Variants in ATP8B4 observed in about 807,000 individuals in gnomAD.
ATP8B4 encodes probable phospholipid-transporting ATPase IM.
Under a neutral mutation model 145.6 loss-of-function variants are expected in ATP8B4, and 133 were observed. The ratio of observed to expected loss-of-function variants is 0.91; its 90% CI spans 0.79 to 1.05. The LOEUF (loss-of-function observed/expected upper bound fraction) is 1.05. Ranked by LOEUF, ATP8B4 falls within the 50% of genes least tolerant of loss-of-function variation. The pLI, the probability that ATP8B4 is intolerant of heterozygous loss-of-function variation, is 0.00. For synonymous variants in ATP8B4, 507 were observed against 492.9 expected (o/e 1.03, Z -0.38); for missense variants, 1,458 against 1,425.2 (o/e 1.02, Z -0.37).
intron 1 of ATP8B4, among the ~76,000 whole-genome samples, chr15:50,156,107 A>AATATATTTATATATATATAAAT (rs1567410586): frequency 2.2e-4 from 6 of 27,116 alleles, no homozygotes; most frequent in Admixed American, 1.5e-3. Context: ...TATATATATA[A>AATATATTTATATATATATAAAT]ATATATATAT....
At chr15:50,014,661 A>G (rs1353371233) in intron 6 of ATP8B4, among the ~76,000 whole-genome samples, 1 of 152,204 alleles carries the variant, frequency 6.6e-6, no homozygotes, top group East Asian at 1.9e-4. Context: ...ACACATTTAT[A>G]CAAAAACATT....
chr15:49,864,408 C>A (rs2153375310), intron 26 of ATP8B4, among the ~76,000 whole-genome samples: 1 of 152,336 alleles, frequency 6.6e-6, no homozygotes, highest in South Asian at 2.1e-4. Flanking sequence ...ACAAATCTCA[C>A]TCTTGCCTGA....
At chr15:50,146,356 T>A (rs1219262012) in intron 1 of ATP8B4, among the ~76,000 whole-genome samples, 3 of 152,216 alleles carry the variant, frequency 2.0e-5, no homozygotes, top group Non-Finnish European at 2.9e-5. Context: ...GGAGGACTGT[T>A]AAGTTGAACA....
At chr15:49,897,710 T>C (rs1432822138) in intron 22 of ATP8B4, among the ~76,000 whole-genome samples, 195 bp from the exon 23 acceptor site, 1 of 152,232 alleles carries the variant, frequency 6.6e-6, no homozygotes, top group East Asian at 1.9e-4. Flanking sequence ...TCAGAAAAGT[T>C]CAGTGACTTA....
chr15:49,875,817 G>T (rs2034324575), intron 25 of ATP8B4, among the ~76,000 whole-genome samples: 1 of 152,222 alleles, frequency 6.6e-6, no homozygotes, highest in African/African-American at 2.4e-5. Context: ...CTCTGAGTGT[G>T]AGATTCGGAT....
At chr15:50,019,400 G>C (rs577688411) in intron 6 of ATP8B4, among the ~76,000 whole-genome samples, 16 of 152,160 alleles carry the variant, frequency 1.1e-4, no homozygotes, top group Non-Finnish European at 1.9e-4. Context: ...AGAAAACTGA[G>C]GTCTTTGAAA....
At chr15:50,139,921 G>C (rs1460960414) in intron 1 of ATP8B4, among the ~76,000 whole-genome samples, 1 of 152,148 alleles carries the variant, frequency 6.6e-6, no homozygotes, top group African/African-American at 2.4e-5. Context: ...CAATAGGTGT[G>C]TGAATACCAT....
At chr15:50,052,744 G>A (rs974787412) in intron 3 of ATP8B4, among the ~76,000 whole-genome samples, 7 of 152,152 alleles carry the variant, frequency 4.6e-5, no homozygotes, top group African/African-American at 1.7e-4. Flanking sequence ...CACACTTGGG[G>A]ATCTAGAAGA....
rs550781864 is a variant in ATP8B4, at chr15:50,119,182, C to A, written c.-102G>T. The A allele has an allele frequency of 3.3e-5, 5 of 152,390 alleles. No individual in the cohort carries two copies. The South Asian group carries it at 8.3e-4, about 25-fold the overall frequency. 9.4% of individuals were successfully genotyped at this position (152,390 alleles called of 1,614,324 possible). Reference sequence around the variant, plus strand: ...AGATTTCTCAGCAGTGCAGGAAGATCAAACAGGTATCCATTCCGTGACCAT... The same window carrying A: ...AGATTTCTCAGCAGTGCAGGAAGATAAAACAGGTATCCATTCCGTGACCAT... On this transcript the variant is annotated 5_prime_UTR_variant, in exon 1 of 28. It removes the in-frame stop codon of an upstream open reading frame in the 5' UTR. Coordinates refer to ENST00000284509, the MANE Select transcript of ATP8B4 (RefSeq NM_024837.4).
At chr15:50,063,420 G>A (rs1196041155) in intron 3 of ATP8B4, among the ~76,000 whole-genome samples, 2 of 151,998 alleles carry the variant, frequency 1.3e-5, no homozygotes, top group African/African-American at 4.8e-5. Context: ...TGGCCCATTT[G>A]TTTAACTATC....
chr15:50,102,239 A>C (rs1346283960), intron 2 of ATP8B4, among the ~76,000 whole-genome samples: 1 of 152,116 alleles, frequency 6.6e-6, no homozygotes, highest in Non-Finnish European at 1.5e-5. Flanking sequence ...GAAATAACCA[A>C]GATCAGAGCA....
intron 1 of ATP8B4, among the ~76,000 whole-genome samples, chr15:50,174,679 A>G (rs775982448): frequency 6.6e-6 from 1 of 152,188 alleles, no homozygotes; most frequent in Non-Finnish European, 1.5e-5. Context: ...TCCCATGCTC[A>G]TGGATAGGTA....
In ATP8B4 at chr15:49,876,768, C is replaced by T. The variant is rs889946696; in HGVS notation, c.2782-245G>A. ...GAGATTCATGAGAGGTCACACAGCT[C>T]GTAAGTAGCAGAACCAGGGCTTGGT... On this transcript the variant is annotated intron_variant, in intron 24 of 27. Coordinates refer to ENST00000284509, the MANE Select transcript of ATP8B4 (RefSeq NM_024837.4). 12 of 650,104 alleles carry T rather than the reference C, an allele frequency of 1.8e-5. No homozygotes were observed. The East Asian group carries it at 2.9e-4, about 16-fold the overall frequency. 40.3% of individuals were successfully genotyped at this position (650,104 alleles called of 1,614,324 possible).
chr15:49,901,795 C>T, intron 20 of ATP8B4: 1 of 420,222 alleles, frequency 2.4e-6, no homozygotes, highest in African/African-American at 2.1e-5. Context: ...ACTGAATTGG[C>T]ATAGCCATTA....
chr15:49,932,780 G>A (rs1047057279), intron 15 of ATP8B4, among the ~76,000 whole-genome samples: 8 of 152,028 alleles, frequency 5.3e-5, no homozygotes, highest in Non-Finnish European at 8.8e-5. Context: ...TGAGAGTCCA[G>A]TGAAAGATGG....
intron 24 of ATP8B4, among the ~76,000 whole-genome samples, chr15:49,878,355 G>C (rs8031452): frequency 0.2 from 30,445 of 151,998 alleles, 3,798 homozygotes; most frequent in Non-Finnish European, 0.29. Flanking sequence ...TTTTACATAT[G>C]AGAAGGGAGA....
intron 1 of ATP8B4, among the ~76,000 whole-genome samples, chr15:50,112,883 C>T (rs568988025): frequency 6.6e-6 from 1 of 152,258 alleles, no homozygotes; most frequent in African/African-American, 2.4e-5. Flanking sequence ...AACAAGGCCC[C>T]TGCTTCCCAT....
At chr15:49,874,508 G>T (rs1441826416) in intron 25 of ATP8B4, among the ~76,000 whole-genome samples, 1 of 152,148 alleles carries the variant, frequency 6.6e-6, no homozygotes, top group Non-Finnish European at 1.5e-5. Flanking sequence ...GGAAGGCAGA[G>T]AATAGATTTT....
intron 6 of ATP8B4, among the ~76,000 whole-genome samples, chr15:50,034,534 G>A (rs556732341): frequency 2.6e-5 from 4 of 152,200 alleles, no homozygotes; most frequent in East Asian, 1.9e-4. Context: ...CGGCCATTGA[G>A]TGTCTCTTAA....
Sources: allele counts gnomAD v4.1 joint callset (sites outside exome capture counted in the v4.1 genomes callset), GRCh38; gene constraint gnomAD v4.1.1; transcripts MANE v1.5; gene names NCBI Gene and HGNC (gene_info 2026-07-23, HGNC 2026-07-21).